SHANK2: variants seen among roughly 807,000 people sequenced by gnomAD.
The protein encoded by SHANK2 is SH3 and multiple ankyrin repeat domains 2.
In SHANK2, 43 loss-of-function variants were observed where a neutral mutation model predicts 133.7. The ratio of observed to expected loss-of-function variants is 0.32; its 90% confidence interval spans 0.25 to 0.41. The LOEUF is 0.41. Among genes scored for constraint, SHANK2 ranks in the 10% least tolerant of loss-of-function variants. The pLI, the probability that SHANK2 is intolerant of heterozygous loss-of-function variation, is 1.00. For missense variants in SHANK2, 1,994 were observed against 2,235.8 expected (o/e 0.89, Z 2.18); for synonymous variants, 1,017 against 952.8 (o/e 1.07, Z -1.24).
intron 18 of SHANK2, among the ~76,000 whole-genome samples, chr11:70,502,556 C>T (rs1244140755): frequency 3.9e-5 from 6 of 152,112 alleles, no homozygotes; most frequent in African/African-American, 7.2e-5. Context: ...GCGGAAGGGA[C>T]GCCTGCTAGT....
intron 17 of SHANK2, among the ~76,000 whole-genome samples, chr11:70,627,723 G>A (rs1555000433): frequency 6.6e-6 from 1 of 152,200 alleles, no homozygotes; most frequent in East Asian, 1.9e-4. Context: ...TAGCCTGAAG[G>A]TAATTTTATA....
At chr11:71,119,058 A>C in intron 3 of SHANK2, 26 bp from the exon 4 acceptor site, 3 of 1,548,940 alleles carry the variant, frequency 1.9e-6, no homozygotes, top group Non-Finnish European at 2.6e-6. Context: ...AAGACAGCTG[A>C]TGAGTGACAG....
intron 17 of SHANK2, among the ~76,000 whole-genome samples, chr11:70,658,209 AC>A (rs1219216445): frequency 1.7e-4 from 4 of 23,530 alleles, no homozygotes; most frequent in South Asian, 1.3e-3. Context: ...CGCCCCCCCA[AC>A]ACACACACAC....
chr11:71,205,156 G>A (rs1039999231), intron 2 of SHANK2, among the ~76,000 whole-genome samples: 3 of 152,168 alleles, frequency 2.0e-5, no homozygotes, highest in East Asian at 1.9e-4. Flanking sequence ...CCAAGTTCCC[G>A]TGGCCTTTGC....
chr11:70,759,674 A>T (rs1946949816), intron 14 of SHANK2, among the ~76,000 whole-genome samples: 1 of 152,114 alleles, frequency 6.6e-6, no homozygotes, highest in South Asian at 2.1e-4. Context: ...AAGACCTAAG[A>T]CTGTGTGAGG....
chr11:70,707,612 T>C (rs1555025245), intron 14 of SHANK2, among the ~76,000 whole-genome samples: 1 of 151,916 alleles, frequency 6.6e-6, no homozygotes, highest in African/African-American at 2.4e-5. Flanking sequence ...CAGCAAACCA[T>C]CTCCCTCCAA....
intron 9 of SHANK2, among the ~76,000 whole-genome samples, chr11:71,058,313 A>G (rs1469244055): frequency 6.6e-6 from 1 of 152,180 alleles, no homozygotes; most frequent in African/African-American, 2.4e-5. Context: ...CCCAGTGAGG[A>G]CTGCAGCAGC....
rs1355000565 is a variant in SHANK2 at position 70,804,842 on chromosome 11, T to C, written c.1663+2160A>G. Among the ~76,000 whole-genome samples, 1 of 152,120 alleles carries C rather than the reference T, an allele frequency of 6.6e-6. No homozygotes were observed. Among genetic ancestry groups the C allele is most frequent in the African/African-American group, 2.4e-5 (1 of 41,418 alleles). ...ACTGCCAGCCTGTGGGAGACTCGGA[T>C]CCACTGATGGGGCTCATCACCGGCT... On this transcript the variant is annotated intron_variant, in intron 13 of 25. Coordinates refer to ENST00000601538, the MANE Select transcript of SHANK2 (RefSeq NM_012309.5). The surrounding 1 kb of genome is among the most constrained non-coding windows in gnomAD (Gnocchi z 4.1).
At position 70,599,899 on chromosome 11, in the gene SHANK2, AAGAAAGAGAAAGAAAG is replaced by A. The variant is rs1565166188; in HGVS notation, c.2061+59913_2061+59928del. 2.2e-5 allele frequency among the ~76,000 whole-genome samples: 2 copies of A among 92,712 alleles called. 1 individual carries two copies. Among genetic ancestry groups the A allele is most frequent in the Admixed American group, 2.5e-4 (2 of 7,872 alleles). The allele number at this position is 92,712 out of a possible 152,430, so 60.8% of individuals were successfully genotyped here. A position where few individuals can be genotyped will look rare whatever the true frequency, so the allele number is the denominator to read the frequency against. On this transcript the variant is annotated intron_variant, in intron 17 of 25. Coordinates refer to ENST00000601538, the MANE Select transcript of SHANK2 (RefSeq NM_012309.5). ...AGAAAGAAAGAAAGAAAAAGAAAGA[AAGAAAGAGAAAGAAAG>A]AAAGAAAGAAAGAAAGAAAGAAAGA...
chr11:70,874,310 T>C lies in SHANK2; in HGVS notation c.1174+22191A>G, dbSNP rs559109835. Among the ~76,000 whole-genome samples, 5 of 152,328 alleles carry C rather than the reference T, an allele frequency of 3.3e-5. No individual in the cohort carries two copies. In the East Asian group the frequency reaches 9.7e-4, roughly 29 times the overall value. On this transcript the variant is annotated intron_variant, in intron 11 of 25. Transcript: ENST00000601538. The stretch of plus-strand genomic sequence containing the variant: ...ATCTATCTAATCTATCTAATCTATT[T>C]ATATGTAATCTATCTATCTATCCAT...
At chr11:70,502,730 TG>T in intron 18 of SHANK2, 65 bp downstream of exon 18, 2 of 772,456 alleles carry the variant, frequency 2.6e-6, no homozygotes, top group South Asian at 3.1e-5. Context: ...CCAGCTGTCC[TG>T]CCCGCCCCCA....
chr11:70,874,288 TATCTA>T (rs373740981), intron 11 of SHANK2, among the ~76,000 whole-genome samples: 2,146 of 149,064 alleles, frequency 0.014, 51 homozygotes, highest in African/African-American at 0.05. Context: ...TAATCTAATC[TATCTA>T]ATCTATCTAA....
intron 3 of SHANK2, among the ~76,000 whole-genome samples, chr11:71,132,374 C>T (rs373061445): frequency 1.6e-4 from 24 of 152,294 alleles, no homozygotes; most frequent in South Asian, 4.2e-4. Context: ...AAAGAGGGGA[C>T]GGCTGCTCCT....
intron 11 of SHANK2, among the ~76,000 whole-genome samples, chr11:70,848,852 A>C (rs1949040472): frequency 6.6e-6 from 1 of 152,160 alleles, no homozygotes; most frequent in African/African-American, 2.4e-5. Context: ...CGAGCAAGCA[A>C]GCCTGATGCC....
At chr11:70,802,284 G>C (rs1555050717) in intron 13 of SHANK2, among the ~76,000 whole-genome samples, 2 of 152,200 alleles carry the variant, frequency 1.3e-5, no homozygotes, top group African/African-American at 4.8e-5. Context: ...GGATAAGCTT[G>C]TTGGAGAAGG....
At chr11:70,681,298 C>T (rs914577023) in intron 15 of SHANK2, among the ~76,000 whole-genome samples, 3 of 152,166 alleles carry the variant, frequency 2.0e-5, no homozygotes, top group African/African-American at 7.2e-5. Flanking sequence ...GATGTTTCTC[C>T]GCGGCTCAGG....
intron 10 of SHANK2, among the ~76,000 whole-genome samples, chr11:70,928,489 T>C (rs1950459131): frequency 6.6e-6 from 1 of 152,106 alleles, no homozygotes; most frequent in Admixed American, 6.5e-5. Context: ...CCCCAGAAGA[T>C]GCAGCAAAGG....
At chr11:70,585,428 G>C (rs1554986484) in intron 17 of SHANK2, among the ~76,000 whole-genome samples, 1 of 152,198 alleles carries the variant, frequency 6.6e-6, no homozygotes, top group African/African-American at 2.4e-5. Context: ...GGTCCTCACA[G>C]CTCTAAGTCC....
chr11:71,222,025 G>A (rs1555121250), intron 2 of SHANK2, among the ~76,000 whole-genome samples: 1 of 152,102 alleles, frequency 6.6e-6, no homozygotes, highest in Non-Finnish European at 1.5e-5. Context: ...GCGCCCAGGT[G>A]AGCATGGCCG....
Sources: gnomAD v4.1 joint callset for allele counts (sites outside exome capture counted in the v4.1 genomes callset) on GRCh38, gnomAD v4.1.1 for gene constraint, Gnocchi (gnomAD v3.1) non-coding constraint, MANE v1.5 for transcripts, NCBI Gene and HGNC (gene_info 2026-07-23, HGNC 2026-07-21) for gene names.